The following UGT1A8 variants were observed in gnomAD, a reference collection of about 807,000 sequenced individuals.
UGT1A8 encodes UDP glucuronosyltransferase family 1 member A8.
Under a neutral mutation model 45.3 loss-of-function variants are expected in UGT1A8, and 39 were observed. The ratio of observed to expected loss-of-function variants is 0.86; its 90% CI spans 0.67 to 1.12. The LOEUF is 1.12. Among genes scored for constraint, UGT1A8 ranks in the 50% most tolerant of loss-of-function variants. The pLI is 0.00. For synonymous variants in UGT1A8, 275 were observed against 249.2 expected, an observed-to-expected ratio of 1.10 and a Z score of -0.97; for missense variants, 719 against 664.9, an observed-to-expected ratio of 1.08 and a Z score of -0.90.
In UGT1A8 at chr2:233,719,091, C is replaced by T. The variant is rs183802414; in HGVS notation, c.856-47943C>T. On this transcript the variant is annotated intron_variant, in intron 1 of 4. Coordinates refer to ENST00000373450, the MANE Select transcript of UGT1A8 (RefSeq NM_019076.5). ...TCCATGGACCCAGAAGGAATTTGATCGCGTTACGCTGGGCTACACTCAAGG... is the reference window on the plus strand; with the variant it reads ...TCCATGGACCCAGAAGGAATTTGATTGCGTTACGCTGGGCTACACTCAAGG... The T allele has an allele frequency of 3.7e-5, 60 of 1,614,254 alleles. No individual in the cohort carries two copies. The East Asian group carries it at 8.2e-4, about 22-fold the overall frequency.
At chr2:233,743,741 G>T (rs374389189) in intron 1 of UGT1A8, 6 of 1,367,230 alleles carry the variant, frequency 4.4e-6, no homozygotes, top group Non-Finnish European at 4.9e-6. Flanking sequence ...GCGTTTCTTG[G>T]CGTCCGACAA....
At chr2:233,768,790 G>C (rs1021832155) in intron 4 of UGT1A8, among the ~76,000 whole-genome samples, 1 of 152,024 alleles carries the variant, frequency 6.6e-6, no homozygotes, top group Admixed American at 6.6e-5. Context: ...CACCATGTTT[G>C]TCAGGCTGGT....
At chr2:233,761,999 A>C (rs1449541079) in intron 1 of UGT1A8, among the ~76,000 whole-genome samples, 1 of 152,130 alleles carries the variant, frequency 6.6e-6, no homozygotes, top group Non-Finnish European at 1.5e-5. Flanking sequence ...TATTTCCACT[A>C]TACCTCCAAT....
chr2:233,667,476 G>A (rs1383846238), intron 1 of UGT1A8, among the ~76,000 whole-genome samples: 1 of 152,194 alleles, frequency 6.6e-6, no homozygotes, highest in Non-Finnish European at 1.5e-5. Context: ...GCATGGGCAA[G>A]GACTTCATGT....
chr2:233,660,425 A>G (rs993871977), intron 1 of UGT1A8, among the ~76,000 whole-genome samples: 14 of 152,194 alleles, frequency 9.2e-5, no homozygotes, highest in African/African-American at 3.1e-4. Context: ...GGCATTGTCC[A>G]ATATCAAAAG....
At chr2:233,761,013 G>A in intron 1 of UGT1A8, 1 of 1,614,176 alleles carries the variant, frequency 6.2e-7, no homozygotes, top group Non-Finnish European at 8.5e-7. Flanking sequence ...AGAGAGAGGT[G>A]ACTGTCCAGG....
intron 1 of UGT1A8, among the ~76,000 whole-genome samples, chr2:233,702,495 G>A (rs755245410): frequency 2.6e-5 from 4 of 152,000 alleles, no homozygotes; most frequent in Non-Finnish European, 5.9e-5. Flanking sequence ...CTCTAGTACC[G>A]TGTTGAATAG....
intron 1 of UGT1A8, among the ~76,000 whole-genome samples, chr2:233,700,840 T>G (rs891467529): frequency 9.9e-5 from 15 of 152,232 alleles, no homozygotes; most frequent in Middle Eastern, 3.4e-3. Context: ...TCATTTAGCA[T>G]TAGGTATATC....
intron 1 of UGT1A8, chr2:233,761,110 G>A: frequency 1.9e-6 from 3 of 1,614,198 alleles, no homozygotes; most frequent in African/African-American, 1.3e-5. Context: ...TATGGTTTTT[G>A]TTGGTGGAAT....
intron 1 of UGT1A8, among the ~76,000 whole-genome samples, chr2:233,739,543 T>G (rs555327898): frequency 6.6e-6 from 1 of 152,334 alleles, no homozygotes; most frequent in South Asian, 2.1e-4. Context: ...TTTTGGAGCT[T>G]TAAGATTTAA....
chr2:233,718,773 C>T (rs374057137), intron 1 of UGT1A8: 12 of 1,612,730 alleles, frequency 7.4e-6, no homozygotes, highest in Non-Finnish European at 8.5e-6. Context: ...ACAAATGTAG[C>T]AGGCACAGCG....
intron 1 of UGT1A8, chr2:233,721,729 A>C (rs1210902103): frequency 4.9e-6 from 2 of 408,012 alleles, no homozygotes; most frequent in Non-Finnish European, 9.8e-6. Flanking sequence ...TACTTGGATA[A>C]GCTTAATGAT....
rs771517154 is a variant in UGT1A8, at chr2:233,618,289, C to G, written c.582C>G (p.Leu194=). The change falls in exon 1 of 5, where the codon CTC becomes CTG. Residue 194 remains leucine (L), a synonymous_variant. Coordinates refer to ENST00000373450, the MANE Select transcript of UGT1A8 (RefSeq NM_019076.5). ...PAPLSYVPRI[L]LGFSDAMTFK... is the part of the protein sequence containing the mutation. ...CTCTTTCCTATGTCCCCAGAATTCT[C>G]TTAGGGTTCTCAGATGCCATGACTT... 1 of 1,613,882 alleles carries G rather than the reference C, an allele frequency of 6.2e-7. No individual in the cohort carries two copies.
intron 1 of UGT1A8, chr2:233,760,221 A>G (rs920580015): frequency 2.5e-5 from 40 of 1,592,616 alleles, no homozygotes; most frequent in Non-Finnish European, 3.3e-5. Context: ...TGGTGTATCG[A>G]TTGGTTTTTG....
chr2:233,695,287 A>G (rs775200577), intron 1 of UGT1A8, among the ~76,000 whole-genome samples: 12 of 151,764 alleles, frequency 7.9e-5, no homozygotes, highest in Non-Finnish European at 8.8e-5. Flanking sequence ...CACCATTCCC[A>G]GCTAATTTTT....
chr2:233,691,507 C>A, intron 1 of UGT1A8: 1 of 985,720 alleles, frequency 1.0e-6, no homozygotes, highest in Non-Finnish European at 1.2e-6. Context: ...AACTCGCGTG[C>A]CAGCCAGGTG....
chr2:233,709,060 T>C (rs1267466061), intron 1 of UGT1A8, among the ~76,000 whole-genome samples: 1 of 151,506 alleles, frequency 6.6e-6, no homozygotes, highest in East Asian at 1.9e-4. Flanking sequence ...GGATTCCTAG[T>C]TAAAGTTCTT....
At chr2:233,693,073 G>T (rs758507310) in intron 1 of UGT1A8, 2 of 1,614,188 alleles carry the variant, frequency 1.2e-6, no homozygotes, top group Non-Finnish European at 1.7e-6. Context: ...TTTGGGGCAT[G>T]GTTGTAGGTG....
At chr2:233,711,679 T>C (rs1356077435) in intron 1 of UGT1A8, among the ~76,000 whole-genome samples, 1 of 152,190 alleles carries the variant, frequency 6.6e-6, no homozygotes. Context: ...CAATGTGGAT[T>C]TCTAATGGGG....
Sources: allele counts gnomAD v4.1 joint callset (sites outside exome capture counted in the v4.1 genomes callset), GRCh38; gene constraint gnomAD v4.1.1; transcripts MANE v1.5; gene names NCBI Gene and HGNC (gene_info 2026-07-23, HGNC 2026-07-21).